CYTH3: variants seen among roughly 807,000 people sequenced by gnomAD.
The protein encoded by CYTH3 is cytohesin-3.
In CYTH3, 23 loss-of-function variants were observed where a neutral mutation model predicts 55.1. The observed-to-expected ratio is 0.42, with a 90% CI of 0.30 to 0.59. The LOEUF (loss-of-function observed/expected upper bound fraction) is 0.59, where lower values mean the gene tolerates loss of function less well. Ranked by LOEUF, CYTH3 falls within the 20% of genes least tolerant of loss-of-function variation. The pLI, the probability that CYTH3 is intolerant of heterozygous loss-of-function variation, is 0.20. For synonymous variants in CYTH3, 249 were observed against 194.9 expected, an observed-to-expected ratio of 1.28 and a Z score of -2.31; for missense variants, 413 against 524.8, an observed-to-expected ratio of 0.79 and a Z score of 2.08.
intron 4 of CYTH3, among the ~76,000 whole-genome samples, chr7:6,184,689 G>A (rs543387517): frequency 3.3e-5 from 5 of 150,524 alleles, no homozygotes; most frequent in South Asian, 4.2e-4. Context: ...AGCGATTCTC[G>A]CGCCTCAGCC....
chr7:6,166,357 G>A (rs995571047), intron 9 of CYTH3, among the ~76,000 whole-genome samples: 1 of 152,232 alleles, frequency 6.6e-6, no homozygotes, highest in Non-Finnish European at 1.5e-5. Flanking sequence ...CTTAAACACT[G>A]AGCAGAGACA....
At chr7:6,207,462 T>G (rs1171804819) in intron 1 of CYTH3, among the ~76,000 whole-genome samples, 1 of 152,044 alleles carries the variant, frequency 6.6e-6, no homozygotes, top group Non-Finnish European at 1.5e-5. Flanking sequence ...GGAATAGCAT[T>G]TAATTCAAAC....
intron 5 of CYTH3, among the ~76,000 whole-genome samples, chr7:6,177,138 T>A (rs531283081): frequency 6.6e-6 from 1 of 152,344 alleles, no homozygotes; most frequent in South Asian, 2.1e-4. Flanking sequence ...TTTCTAGCGG[T>A]GTCTTTGGTT....
At chr7:6,262,423 A>C (rs924246494) in intron 1 of CYTH3, among the ~76,000 whole-genome samples, 1 of 152,238 alleles carries the variant, frequency 6.6e-6, no homozygotes, top group African/African-American at 2.4e-5. Context: ...ACCACATAAC[A>C]GCTGAAAACC....
intron 1 of CYTH3, among the ~76,000 whole-genome samples, chr7:6,253,082 C>T (rs1780013564): frequency 6.6e-6 from 1 of 152,112 alleles, no homozygotes; most frequent in Non-Finnish European, 1.5e-5. Context: ...TGATTTTTAA[C>T]ATATTTACAA....
chr7:6,264,122 C>T (rs925220560), intron 1 of CYTH3, among the ~76,000 whole-genome samples: 1 of 152,046 alleles, frequency 6.6e-6, no homozygotes, highest in Non-Finnish European at 1.5e-5. Context: ...TGGCGGGCAC[C>T]TGTAATCCCA....
intron 1 of CYTH3, among the ~76,000 whole-genome samples, chr7:6,211,386 C>A (rs1402104043): frequency 1.3e-5 from 2 of 152,286 alleles, no homozygotes; most frequent in African/African-American, 4.8e-5. Context: ...TGGAGCCACA[C>A]TGCGGAGCCT....
intron 5 of CYTH3, among the ~76,000 whole-genome samples, chr7:6,174,539 GTTT>G (rs760279977): frequency 1.7e-4 from 15 of 89,790 alleles, no homozygotes; most frequent in African/African-American, 4.7e-4. Context: ...CTCCTTGTGG[GTTT>G]TTTTTTTTTT....
intron 1 of CYTH3, among the ~76,000 whole-genome samples, chr7:6,263,090 C>G (rs11768749): frequency 6.6e-6 from 1 of 152,092 alleles, no homozygotes; most frequent in Admixed American, 6.5e-5. Context: ...TCCAAGCTGA[C>G]AGTATGTCCA....
At chr7:6,231,549 C>A (rs1469995473) in intron 1 of CYTH3, among the ~76,000 whole-genome samples, 4 of 152,228 alleles carry the variant, frequency 2.6e-5, no homozygotes, top group Non-Finnish European at 5.9e-5. Context: ...CTCAGGTACA[C>A]ACACACATTC....
chr7:6,260,109 G>A (rs946046806), intron 1 of CYTH3, among the ~76,000 whole-genome samples: 12 of 151,352 alleles, frequency 7.9e-5, no homozygotes, highest in African/African-American at 2.9e-4. Context: ...GATTACAGGC[G>A]TGTGCCACCG....
intron 4 of CYTH3, among the ~76,000 whole-genome samples, chr7:6,183,365 A>AC (rs1783554917): frequency 2.0e-5 from 3 of 151,062 alleles, no homozygotes; most frequent in Admixed American, 6.6e-5. Context: ...CACTGAGTGG[A>AC]CCCCTGCTTG....
intron 1 of CYTH3, among the ~76,000 whole-genome samples, chr7:6,251,082 C>T (rs1007737098): frequency 2.6e-5 from 4 of 152,170 alleles, no homozygotes; most frequent in African/African-American, 9.7e-5. Flanking sequence ...CAAGACCAGC[C>T]TGGCCAACAT....
intron 1 of CYTH3, among the ~76,000 whole-genome samples, chr7:6,208,989 G>C (rs769608984): frequency 4.6e-5 from 7 of 152,176 alleles, no homozygotes; most frequent in Non-Finnish European, 1.0e-4. Flanking sequence ...ATTTTAACAA[G>C]CTTCCCAAAT....
At chr7:6,168,717 C>T in intron 9 of CYTH3, among the ~76,000 whole-genome samples, 1 of 152,214 alleles carries the variant, frequency 6.6e-6, no homozygotes, top group East Asian at 1.9e-4. Flanking sequence ...GTTTATCTGC[C>T]CAACCAGAAA....
intron 1 of CYTH3, among the ~76,000 whole-genome samples, chr7:6,262,773 G>A (rs919289568): frequency 4.6e-5 from 7 of 152,232 alleles, no homozygotes; most frequent in Non-Finnish European, 8.8e-5. Flanking sequence ...ACAGAGGCAA[G>A]CTTAGCACAG....
rs1311161885 is a variant in CYTH3 at position 6,180,722 on chromosome 7, T to A, written c.250-2781A>T. Among the ~76,000 whole-genome samples, 6 of 152,336 alleles carry A rather than the reference T, an allele frequency of 3.9e-5. No homozygotes were observed. The East Asian group carries it at 9.6e-4, about 24-fold the overall frequency. On this transcript the variant is annotated intron_variant, in intron 4 of 12. Coordinates refer to ENST00000350796, the MANE Select transcript of CYTH3 (RefSeq NM_004227.4). ...GAGTGTTCTAACATTATTAGAAATGTTTACTATTTTAAAATACCATTTAAA... is the reference window on the plus strand; with the variant it reads ...GAGTGTTCTAACATTATTAGAAATGATTACTATTTTAAAATACCATTTAAA...
intron 1 of CYTH3, among the ~76,000 whole-genome samples, chr7:6,191,591 CTTTTTT>C (rs1172231329): frequency 8.6e-5 from 9 of 105,060 alleles, no homozygotes; most frequent in African/African-American, 7.3e-5. Flanking sequence ...TAGGGAAGGA[CTTTTTT>C]TTTTTTTTTT....
intron 1 of CYTH3, among the ~76,000 whole-genome samples, chr7:6,208,449 C>T (rs529027513): frequency 6.0e-4 from 92 of 152,350 alleles, no homozygotes; most frequent in African/African-American, 2.1e-3. Context: ...CAGTTCCATA[C>T]AGCAAAACTA....
Sources: gnomAD v4.1 joint callset for allele counts (sites outside exome capture counted in the v4.1 genomes callset) on GRCh38, gnomAD v4.1.1 for gene constraint, MANE v1.5 for transcripts, NCBI Gene and HGNC (gene_info 2026-07-23, HGNC 2026-07-21) for gene names.